ME3: variants seen among roughly 807,000 people sequenced by gnomAD.
ME3 encodes NADP-dependent malic enzyme, mitochondrial.
ME3 carries 48 observed loss-of-function variants against 68.9 expected under a neutral mutation model. The ratio of observed to expected loss-of-function variants is 0.70; its 90% CI spans 0.55 to 0.89. ME3 has a LOEUF of 0.89. ME3 is among the 40% of genes least tolerant of loss of function. ME3 has a pLI of 0.00. For synonymous variants in ME3, 320 were observed against 318.8 expected (o/e 1.00, Z -0.04); for missense variants, 675 against 797.4 (o/e 0.85, Z 1.85).
chr11:86,572,807 G>C (rs1296234663), intron 2 of ME3, among the ~76,000 whole-genome samples: 1 of 152,172 alleles, frequency 6.6e-6, no homozygotes, highest in Non-Finnish European at 1.5e-5. Context: ...TAATGGGATT[G>C]CTGGGTCAAA....
chr11:86,533,513 A>G (rs1955412342), intron 4 of ME3, among the ~76,000 whole-genome samples: 1 of 152,224 alleles, frequency 6.6e-6, no homozygotes, highest in African/African-American at 2.4e-5. Flanking sequence ...AAAGTCAACC[A>G]TCAAAGAAAA....
intron 2 of ME3, among the ~76,000 whole-genome samples, chr11:86,580,034 C>A (rs1958349153): frequency 6.6e-6 from 1 of 152,180 alleles, no homozygotes; most frequent in East Asian, 1.9e-4. Flanking sequence ...GAGATAGAAT[C>A]TAATTCTTGC....
intron 4 of ME3, among the ~76,000 whole-genome samples, chr11:86,544,168 A>T (rs1475569817): frequency 6.6e-6 from 1 of 152,228 alleles, no homozygotes; most frequent in Non-Finnish European, 1.5e-5. Flanking sequence ...GTTTAGAGGG[A>T]AACTTATAGA....
chr11:86,590,995 AT>A (rs1467791183), intron 2 of ME3, among the ~76,000 whole-genome samples: 1 of 152,192 alleles, frequency 6.6e-6, no homozygotes, highest in African/African-American at 2.4e-5. Flanking sequence ...GCAAGATACT[AT>A]TCCTTCTTGT....
chr11:86,587,677 T>C (rs910459976), intron 2 of ME3, among the ~76,000 whole-genome samples: 5 of 152,218 alleles, frequency 3.3e-5, no homozygotes, highest in African/African-American at 9.6e-5. Context: ...AAGCCGTCAT[T>C]CACGGTTTGT....
chr11:86,460,473 C>T (rs903028549), intron 8 of ME3, among the ~76,000 whole-genome samples: 2 of 152,162 alleles, frequency 1.3e-5, no homozygotes, highest in Non-Finnish European at 2.9e-5. Flanking sequence ...GTGGGGCTCC[C>T]GAGGATTGAA....
chr11:86,438,706 C>T (rs549080214), downstream of ME3, among the ~76,000 whole-genome samples: 1 of 152,130 alleles, frequency 6.6e-6, no homozygotes, highest in South Asian at 2.1e-4. Flanking sequence ...TTGCTTTCCC[C>T]CACCCCCATT....
chr11:86,475,874 T>TATATATATATATAGAGAGAGAG, intron 7 of ME3, among the ~76,000 whole-genome samples: 19 of 91,462 alleles, frequency 2.1e-4, no homozygotes, highest in South Asian at 4.2e-4. Flanking sequence ...TATATATATA[T>TATATATATATATAGAGAGAGAG]AGAGAGAGAG....
intron 4 of ME3, among the ~76,000 whole-genome samples, chr11:86,540,345 C>T (rs149291392): frequency 1.1e-4 from 16 of 152,146 alleles, no homozygotes; most frequent in African/African-American, 2.4e-4. Flanking sequence ...TCCAGTCTAC[C>T]GCTACTGGAC....
intron 4 of ME3, among the ~76,000 whole-genome samples, chr11:86,522,225 G>A (rs143182281): frequency 0.011 from 1,583 of 150,022 alleles, 29 homozygotes; most frequent in African/African-American, 0.037. Context: ...ACTCCAGCCT[G>A]GGTGACAGAA....
At chr11:86,461,226 T>C (rs1282953165) in intron 8 of ME3, among the ~76,000 whole-genome samples, 1 of 152,196 alleles carries the variant, frequency 6.6e-6, no homozygotes, top group East Asian at 1.9e-4. Context: ...TTGTGTCTTT[T>C]GTCTGGCTGT....
intron 13 of ME3, among the ~76,000 whole-genome samples, chr11:86,445,606 G>A (rs556803809): frequency 1.1e-4 from 16 of 152,228 alleles, no homozygotes; most frequent in African/African-American, 3.8e-4. Context: ...TTTTGTCAGA[G>A]TGAGGATAAA....
chr11:86,518,725 A>C (rs980606250), intron 4 of ME3, among the ~76,000 whole-genome samples: 2 of 152,180 alleles, frequency 1.3e-5, no homozygotes, highest in African/African-American at 4.8e-5. Context: ...CACAAATTCT[A>C]ATGTCGGGTG....
chr11:86,464,790 A>T (rs988293082), intron 8 of ME3, among the ~76,000 whole-genome samples: 1 of 152,210 alleles, frequency 6.6e-6, no homozygotes, highest in African/African-American at 2.4e-5. Context: ...TGACTGGTTC[A>T]TGTTTAACTT....
intron 2 of ME3, among the ~76,000 whole-genome samples, chr11:86,608,632 T>G (rs1283728582): frequency 6.6e-6 from 1 of 152,156 alleles, no homozygotes; most frequent in African/African-American, 2.4e-5. Flanking sequence ...CAGAGGGCAG[T>G]CAAGATGAAT....
At chr11:86,446,150 A>G (rs1001716926) in intron 13 of ME3, among the ~76,000 whole-genome samples, 164 bp downstream of exon 13, 3 of 152,220 alleles carry the variant, frequency 2.0e-5, no homozygotes, top group African/African-American at 4.8e-5. Context: ...GAAGAAGTCA[A>G]GCTTCAAGGT....
chr11:86,558,388 ATT>A, intron 3 of ME3, among the ~76,000 whole-genome samples: 1 of 152,170 alleles, frequency 6.6e-6, no homozygotes, highest in South Asian at 2.1e-4. Flanking sequence ...GGGAGAGGAT[ATT>A]TGGCCTGACT....
downstream of ME3, among the ~76,000 whole-genome samples, chr11:86,438,908 G>A (rs968976142): frequency 3.9e-5 from 6 of 152,280 alleles, no homozygotes; most frequent in African/African-American, 1.4e-4. Context: ...TATGGAAGCT[G>A]TCAAATTCTA....
chr11:86,638,018 G>A (rs1270057566), intron 2 of ME3, among the ~76,000 whole-genome samples: 1 of 142,264 alleles, frequency 7.0e-6, no homozygotes, highest in African/African-American at 2.9e-5. Context: ...AAGGAAGCAG[G>A]TTCTGTCTTT....
Sources: allele counts gnomAD v4.1 joint callset (sites outside exome capture counted in the v4.1 genomes callset), GRCh38; gene constraint gnomAD v4.1.1; transcripts MANE v1.5; gene names NCBI Gene and HGNC (gene_info 2026-07-23, HGNC 2026-07-21).